TRIO: variants seen among roughly 807,000 people sequenced by gnomAD.
TRIO encodes the protein trio Rho guanine nucleotide exchange factor.
TRIO carries 58 observed loss-of-function variants against 351.9 expected under a neutral mutation model. The observed-to-expected ratio is 0.16, with a 90% confidence interval of 0.13 to 0.21. The LOEUF (loss-of-function observed/expected upper bound fraction) is 0.21. TRIO is among the 10% of genes least tolerant of loss of function. TRIO has a pLI of 1.00. For synonymous variants in TRIO, 1,758 were observed against 1,595.7 expected (o/e 1.10, Z -2.42); for missense variants, 3,201 against 4,027.8 (o/e 0.79, Z 5.56).
intron 1 of TRIO, among the ~76,000 whole-genome samples, chr5:14,211,053 T>C (rs773009554): frequency 1.3e-5 from 2 of 152,232 alleles, no homozygotes; most frequent in African/African-American, 2.4e-5. Context: ...GGAGACCACT[T>C]GAAGCCGTGC....
At chr5:14,151,690 T>G (rs6554843) in intron 1 of TRIO, among the ~76,000 whole-genome samples, 1 of 152,034 alleles carries the variant, frequency 6.6e-6, no homozygotes, top group South Asian at 2.1e-4. Context: ...TTGATCTCCA[T>G]TGTTTATTCA....
chr5:14,461,448 C>T, intron 35 of TRIO, 137 bp downstream of exon 35: 10 of 1,265,462 alleles, frequency 7.9e-6, no homozygotes, highest in Non-Finnish European at 1.0e-5. Context: ...ATTCAAGTCT[C>T]TGCTTAGCAG....
chr5:14,403,470 T>TGG lies in TRIO; in HGVS notation c.4717-2378_4717-2377insGG, dbSNP rs1409095212. Among the ~76,000 whole-genome samples the TGG allele has an allele frequency of 2.7e-3, 278 of 101,434 alleles. 16 individuals are homozygous for TGG. Among genetic ancestry groups the TGG allele is most frequent in the Non-Finnish European group, 4.4e-3 (218 of 49,794 alleles). The allele number at this position is 101,434 out of a possible 152,430, so 66.5% of individuals were successfully genotyped here. On this transcript the variant is annotated intron_variant, in intron 31 of 56. Transcript: ENST00000344204. ...GTGTAGGTTGTGGTGAGGGTGCAGGTTGTGGTGAGGGTGCAGGTGGTGGTG... is the reference window on the plus strand; with the variant it reads ...GTGTAGGTTGTGGTGAGGGTGCAGGTGGTGTGGTGAGGGTGCAGGTGGTGGTG...
intron 1 of TRIO, among the ~76,000 whole-genome samples, chr5:14,200,869 GT>G (rs1203066208): frequency 6.6e-6 from 1 of 152,148 alleles, no homozygotes. Context: ...AAACAGCTGA[GT>G]TTTTGCTGTT....
At chr5:14,317,025 A>T (rs1334623536) in intron 9 of TRIO, among the ~76,000 whole-genome samples, 1 of 152,136 alleles carries the variant, frequency 6.6e-6, no homozygotes, top group Non-Finnish European at 1.5e-5. Flanking sequence ...TATTTGTGAC[A>T]ATAATGCTGG....
intron 11 of TRIO, among the ~76,000 whole-genome samples, chr5:14,355,045 G>A (rs1323259620): frequency 6.6e-6 from 1 of 152,158 alleles, no homozygotes; most frequent in Non-Finnish European, 1.5e-5. Context: ...GTTGGAAGGT[G>A]GGAGGCTGCA....
Position 14,363,876 on chromosome 5 carries a change from A to G in TRIO, c.2536A>G (p.Ile846Val), listed in dbSNP as rs1463619156. The change falls in exon 14 of 57, where the codon ATC becomes GTC. Residue 846 changes from isoleucine to valine, a missense_variant. Around this residue, in one of 19 missense-constraint regions of TRIO, gnomAD observed 363 missense variants for 553.5 expected, o/e 0.66. Transcript: ENST00000344204. ...CATGAACAACTTGACTTTTGACGTC[A>G]TCCACCAAGGGCAAGATCTTCTGCA... is the stretch of plus-strand genomic sequence containing the variant. ...LTMNNLTFDV[I>V]HQGQDLLQYV... is the part of the protein sequence containing the mutation. 1 of 1,614,096 alleles carries G rather than the reference A, an allele frequency of 6.2e-7. No individual in the cohort carries two copies. The highest frequency in any genetic ancestry group is 8.5e-7 in the Non-Finnish European group (1 of 1,180,040).
At chr5:14,275,267 A>G (rs1735393305) in intron 2 of TRIO, among the ~76,000 whole-genome samples, 1 of 152,130 alleles carries the variant, frequency 6.6e-6, no homozygotes. Flanking sequence ...GTAATTTAGT[A>G]TTTTTCTTCT....
At chr5:14,177,548 T>C (rs1372157215) in intron 1 of TRIO, among the ~76,000 whole-genome samples, 2 of 152,208 alleles carry the variant, frequency 1.3e-5, no homozygotes, top group Non-Finnish European at 2.9e-5. Context: ...CTGCTACCTG[T>C]GGTTTATGAT....
chr5:14,293,259 A>G (rs1307403553), intron 6 of TRIO, 125 bp downstream of exon 6: 1 of 1,335,390 alleles, frequency 7.5e-7, no homozygotes, highest in East Asian at 2.4e-5. Context: ...GTAGCAGCTG[A>G]CCTTCACATG....
chr5:14,358,046 G>T (rs1450155786), intron 11 of TRIO, 132 bp from the exon 12 acceptor site: 1 of 1,098,960 alleles, frequency 9.1e-7, no homozygotes, highest in East Asian at 2.6e-5. Context: ...CTTCCCTCCG[G>T]GAGTGGTCTG....
intron 16 of TRIO, among the ~76,000 whole-genome samples, chr5:14,367,573 T>C (rs1416136557): frequency 6.6e-6 from 1 of 152,224 alleles, no homozygotes; most frequent in Non-Finnish European, 1.5e-5. Flanking sequence ...CCAGGCCTGA[T>C]CCAATTAACT....
chr5:14,378,853 C>T (rs374648781), intron 20 of TRIO, among the ~76,000 whole-genome samples: 12 of 152,170 alleles, frequency 7.9e-5, no homozygotes, highest in African/African-American at 2.4e-4. Flanking sequence ...AGCCACCGCA[C>T]CTGGCCCAGA....
chr5:14,332,392 A>G (rs1486492520), intron 10 of TRIO, among the ~76,000 whole-genome samples: 1 of 152,200 alleles, frequency 6.6e-6, no homozygotes, highest in Non-Finnish European at 1.5e-5. Flanking sequence ...GACTTAACTC[A>G]TTCATCTTTT....
At chr5:14,362,269 C>A (rs993751897) in intron 13 of TRIO, among the ~76,000 whole-genome samples, 12 of 152,174 alleles carry the variant, frequency 7.9e-5, no homozygotes, top group African/African-American at 2.9e-4. Context: ...AAAATCATTG[C>A]CAGTTTATTC....
chr5:14,283,018 G>A (rs1467388956), intron 3 of TRIO, among the ~76,000 whole-genome samples: 5 of 152,194 alleles, frequency 3.3e-5, no homozygotes, highest in Non-Finnish European at 7.3e-5. Context: ...CCAGGGTCCT[G>A]CAGGTGCTAC....
Position 14,406,588 on chromosome 5 carries a change from G to A in TRIO, c.4875G>A (p.Leu1625=). 5.6e-6 allele frequency: 9 copies of A among 1,614,046 alleles called. No homozygotes were observed. Among genetic ancestry groups the A allele is most frequent in the Admixed American group, 1.7e-5 (1 of 60,018 alleles). The change falls in exon 33 of 57, where the codon CTG becomes CTA. Residue 1625 remains leucine (L), a synonymous_variant. Transcript: ENST00000344204. ...GCACCGCCAGGGATGGAGAGGATCT[G>A]GACAGCCAAGGAGACGGCAGCAGCC... ...RQKGRRDGED[L]DSQGDGSSQP... is the part of the protein sequence containing the mutation.
chr5:14,275,688 G>A (rs1443359843), intron 2 of TRIO, among the ~76,000 whole-genome samples: 5 of 149,916 alleles, frequency 3.3e-5, no homozygotes, highest in African/African-American at 4.9e-5. Context: ...AAATGTAATA[G>A]GCCTCATTTT....
At chr5:14,416,808 G>T (rs564530573) in intron 33 of TRIO, among the ~76,000 whole-genome samples, 2 of 152,252 alleles carry the variant, frequency 1.3e-5, no homozygotes, top group East Asian at 3.9e-4. Flanking sequence ...AGACTCTGGA[G>T]AATGAGGCAG....
Sources: allele counts gnomAD v4.1 joint callset (sites outside exome capture counted in the v4.1 genomes callset), GRCh38; gene constraint gnomAD v4.1.1; regional missense constraint gnomAD v4.1.1; transcripts MANE v1.5; gene names NCBI Gene and HGNC (gene_info 2026-07-23, HGNC 2026-07-21).